GRID2: variants seen among roughly 807,000 people sequenced by gnomAD.
The protein encoded by GRID2 is glutamate receptor ionotropic, delta-2.
In GRID2, 33 loss-of-function variants were observed where a neutral mutation model predicts 114.8. The ratio of observed to expected loss-of-function variants is 0.29; its 90% CI spans 0.22 to 0.38. GRID2 has a LOEUF of 0.38. GRID2 is among the 10% of genes least tolerant of loss of function. The pLI is 1.00. For missense variants in GRID2, 1,184 were observed against 1,257.7 expected, an observed-to-expected ratio of 0.94 and a Z score of 0.89; for synonymous variants, 505 against 449.9, an observed-to-expected ratio of 1.12 and a Z score of -1.55.
intron 9 of GRID2, among the ~76,000 whole-genome samples, chr4:93,412,408 A>C (rs1337648515): frequency 6.6e-6 from 1 of 152,144 alleles, no homozygotes; most frequent in African/African-American, 2.4e-5. Flanking sequence ...AGCAAAACAA[A>C]ACCCATCTCT....
At chr4:93,190,731 C>T (rs1740899165) in intron 4 of GRID2, among the ~76,000 whole-genome samples, 1 of 152,020 alleles carries the variant, frequency 6.6e-6, no homozygotes, top group Non-Finnish European at 1.5e-5. Context: ...AGCTTTAGAG[C>T]TAGATCATCC....
chr4:92,764,456 A>G (rs754012642), intron 2 of GRID2, among the ~76,000 whole-genome samples: 10 of 152,030 alleles, frequency 6.6e-5, no homozygotes, highest in Admixed American at 3.9e-4. Flanking sequence ...CAGAGTACCC[A>G]ATCCTCTCCC....
At chr4:92,327,659 T>C (rs1726668840) in intron 1 of GRID2, among the ~76,000 whole-genome samples, 2 of 152,018 alleles carry the variant, frequency 1.3e-5, no homozygotes, top group Admixed American at 1.3e-4. Flanking sequence ...AATTTAATTA[T>C]TTCACAGAAA....
In GRID2 at chr4:93,752,464, G is replaced by A. The variant is rs545013941; in HGVS notation, c.2361-16746G>A. 5.9e-5 allele frequency among the ~76,000 whole-genome samples: 9 copies of A among 152,112 alleles called. No homozygotes were observed. In the South Asian group the frequency reaches 1.0e-3, roughly 18 times the overall value. On this transcript the variant is annotated intron_variant, in intron 14 of 15. Coordinates refer to ENST00000282020, the MANE Select transcript of GRID2 (RefSeq NM_001510.4). ...TGGCTCACTGCAAGCTCCGCCTCCC[G>A]GGTTCACACCCTTCTCCTGCCTCAG...
At chr4:92,618,968 G>A (rs943802091) in intron 2 of GRID2, among the ~76,000 whole-genome samples, 2 of 151,530 alleles carry the variant, frequency 1.3e-5, no homozygotes, top group African/African-American at 4.8e-5. Flanking sequence ...CTGAGAGTGG[G>A]GACAATATGG....
At chr4:93,370,367 A>G (rs947797666) in intron 8 of GRID2, among the ~76,000 whole-genome samples, 1 of 151,492 alleles carries the variant, frequency 6.6e-6, no homozygotes, top group African/African-American at 2.4e-5. Flanking sequence ...ATAATACTAC[A>G]CACACAGACA....
intron 2 of GRID2, among the ~76,000 whole-genome samples, chr4:92,695,029 C>T (rs1472440135): frequency 1.3e-5 from 2 of 152,064 alleles, no homozygotes; most frequent in African/African-American, 4.8e-5. Flanking sequence ...TGCAGTGGTG[C>T]AATCTCGGCT....
intron 2 of GRID2, among the ~76,000 whole-genome samples, chr4:92,759,035 ACAGT>A (rs1486263735): frequency 5.3e-5 from 8 of 152,184 alleles, no homozygotes; most frequent in Non-Finnish European, 1.0e-4. Context: ...CATTTGAAAA[ACAGT>A]CAGTCAAGAT....
intron 2 of GRID2, among the ~76,000 whole-genome samples, chr4:92,869,585 G>T (rs903788344): frequency 6.6e-6 from 1 of 152,092 alleles, no homozygotes; most frequent in East Asian, 1.9e-4. Context: ...ATGGGGGAAT[G>T]AATAAATAAC....
At chr4:93,211,021 G>A (rs1157342235) in intron 5 of GRID2, among the ~76,000 whole-genome samples, 2 of 152,056 alleles carry the variant, frequency 1.3e-5, no homozygotes, top group African/African-American at 4.8e-5. Context: ...CCTCTTTAGA[G>A]AAATGGATTA....
chr4:92,773,682 G>T (rs1738644257), intron 2 of GRID2, among the ~76,000 whole-genome samples: 1 of 151,858 alleles, frequency 6.6e-6, no homozygotes, highest in Admixed American at 6.6e-5. Context: ...AATGAAAAAG[G>T]TAAAATACCT....
At chr4:93,730,333 A>T (rs1578682819) in intron 14 of GRID2, among the ~76,000 whole-genome samples, 10 of 152,272 alleles carry the variant, frequency 6.6e-5, no homozygotes, top group Middle Eastern at 3.4e-3. Context: ...GTAGTTAAGA[A>T]CTCAGATTGT....
chr4:92,370,422 C>T lies in GRID2; in HGVS notation c.88+65678C>T, dbSNP rs555021159. Among the ~76,000 whole-genome samples the T allele has an allele frequency of 4.9e-4, 75 of 152,072 alleles. 1 individual carries two copies. In the South Asian group the frequency reaches 0.013, roughly 27 times the overall value. On this transcript the variant is annotated intron_variant, in intron 1 of 15. Transcript: ENST00000282020. The stretch of plus-strand genomic sequence containing the variant: ...ATCCCAACACTTTGGGAGGCTGAGG[C>T]GGGCGGATCACGAGGTCAGGAGTTC...
chr4:92,643,376 A>G (rs1731454917), intron 2 of GRID2, among the ~76,000 whole-genome samples: 2 of 151,848 alleles, frequency 1.3e-5, no homozygotes, highest in African/African-American at 4.8e-5. Context: ...AGGGATCTAA[A>G]TAGAAAAAGA....
chr4:92,741,085 T>C (rs1166985106), intron 2 of GRID2, among the ~76,000 whole-genome samples: 4 of 152,140 alleles, frequency 2.6e-5, no homozygotes, highest in Non-Finnish European at 5.9e-5. Context: ...TTCAGTCTTA[T>C]ACAGGAGTTA....
intron 14 of GRID2, among the ~76,000 whole-genome samples, chr4:93,755,487 A>G (rs1179119471): frequency 6.6e-6 from 1 of 152,172 alleles, no homozygotes; most frequent in East Asian, 1.9e-4. Context: ...TTGCTGCCTT[A>G]TTAAAAAAAG....
intron 2 of GRID2, among the ~76,000 whole-genome samples, chr4:92,863,910 T>G (rs1434167902): frequency 2.0e-5 from 3 of 152,144 alleles, no homozygotes; most frequent in Admixed American, 6.5e-5. Flanking sequence ...CTCCACAGGC[T>G]TAGCAAAAGT....
chr4:92,419,318 G>A (rs918930014), intron 1 of GRID2, among the ~76,000 whole-genome samples: 2 of 152,088 alleles, frequency 1.3e-5, no homozygotes, highest in African/African-American at 4.8e-5. Context: ...ATGTAGCTCA[G>A]GAAATGAGTA....
intron 2 of GRID2, among the ~76,000 whole-genome samples, chr4:92,862,717 C>T (rs1744610621): frequency 6.6e-6 from 1 of 152,040 alleles, no homozygotes. Context: ...CCTTAATCAG[C>T]ATAAATTTCA....
Sources: gnomAD v4.1 joint callset for allele counts (sites outside exome capture counted in the v4.1 genomes callset) on GRCh38, gnomAD v4.1.1 for gene constraint, MANE v1.5 for transcripts, NCBI Gene and HGNC (gene_info 2026-07-23, HGNC 2026-07-21) for gene names.